Variants in TTLL11 observed in about 807,000 individuals in gnomAD.
The protein encoded by TTLL11 is tubulin polyglutamylase TTLL11.
A neutral mutation model predicts 51.7 loss-of-function variants in TTLL11; 42 were observed. The ratio of observed to expected loss-of-function variants is 0.81; its 90% CI spans 0.64 to 1.05. The LOEUF is 1.05. Ranked by LOEUF, TTLL11 falls within the 50% of genes least tolerant of loss-of-function variation. TTLL11 has a pLI of 0.00. For synonymous variants in TTLL11, 381 were observed against 383.5 expected (o/e 0.99, Z 0.08); for missense variants, 799 against 940.4 (o/e 0.85, Z 1.97).
At chr9:122,016,612 T>A (rs1843991197) in intron 3 of TTLL11, among the ~76,000 whole-genome samples, 1 of 152,064 alleles carries the variant, frequency 6.6e-6, no homozygotes, top group South Asian at 2.1e-4. Flanking sequence ...TCTCTGGGGG[T>A]TTTTGCAAAT....
intron 6 of TTLL11, among the ~76,000 whole-genome samples, chr9:121,894,097 G>A (rs1839360515): frequency 6.6e-6 from 1 of 152,164 alleles, no homozygotes; most frequent in Non-Finnish European, 1.5e-5. Context: ...AGATAAACAT[G>A]TGACATCTCT....
chr9:121,838,793 C>A (rs77540374), intron 8 of TTLL11, among the ~76,000 whole-genome samples: 1 of 142,726 alleles, frequency 7.0e-6, no homozygotes, highest in Non-Finnish European at 1.5e-5. Flanking sequence ...AGCAAGCAAG[C>A]AAGCAAGCAA....
At chr9:122,019,738 G>A (rs1275567941) in intron 3 of TTLL11, among the ~76,000 whole-genome samples, 1 of 152,174 alleles carries the variant, frequency 6.6e-6, no homozygotes, top group Non-Finnish European at 1.5e-5. Flanking sequence ...GGCATGATAC[G>A]GTTTGGCTGT....
chr9:122,069,076 T>C (rs2131888863), intron 1 of TTLL11, among the ~76,000 whole-genome samples: 1 of 152,336 alleles, frequency 6.6e-6, no homozygotes, highest in East Asian at 1.9e-4. Flanking sequence ...CATTTGGGCC[T>C]ACTCGTTACA....
chr9:121,838,965 C>T (rs987333963), intron 8 of TTLL11, among the ~76,000 whole-genome samples: 72 of 152,348 alleles, frequency 4.7e-4, no homozygotes, highest in Middle Eastern at 6.8e-3. Flanking sequence ...CCCCTGCTCC[C>T]GTCACCCTGC....
chr9:122,046,881 C>T (rs1167650535), intron 1 of TTLL11, among the ~76,000 whole-genome samples: 1 of 152,174 alleles, frequency 6.6e-6, no homozygotes, highest in East Asian at 1.9e-4. Context: ...AATCTGAGTT[C>T]CATCATTGAT....
At chr9:121,925,861 C>T (rs968646414) in intron 6 of TTLL11, among the ~76,000 whole-genome samples, 1 of 152,190 alleles carries the variant, frequency 6.6e-6, no homozygotes, top group South Asian at 2.1e-4. Context: ...ATCACCCATT[C>T]AGGGGTGAGA....
intron 7 of TTLL11, among the ~76,000 whole-genome samples, chr9:121,868,819 A>C (rs1838255703): frequency 6.6e-6 from 1 of 152,232 alleles, no homozygotes. Context: ...GCAAATAATA[A>C]CATGTGCCTA....
In TTLL11 at chr9:122,062,462, C is replaced by CTTTTTTTTT. The variant is rs386416145; in HGVS notation, c.463-23103_463-23095dup. Among the ~76,000 whole-genome samples the CTTTTTTTTT allele has an allele frequency of 2.2e-3, 173 of 77,702 alleles. 4 individuals carry two copies. The highest frequency in any genetic ancestry group is 2.7e-3 in the Non-Finnish European group (121 of 44,564). 51.0% of individuals were successfully genotyped at this position (77,702 alleles called of 152,430 possible). A position where few individuals can be genotyped will look rare whatever the true frequency, so the allele number is the denominator to read the frequency against. On this transcript the variant is annotated intron_variant, in intron 1 of 8. Coordinates refer to ENST00000321582, the MANE Select transcript of TTLL11 (RefSeq NM_001139442.2). ...AACTGTGCAAGATCTTTATATTATG[C>CTTTTTTTTT]TTTTTTTTTTTTTTTTTTTTTTTTG...
chr9:121,899,384 T>TATATATATATATATACAC (rs1839676251), intron 6 of TTLL11, among the ~76,000 whole-genome samples: 1 of 117,394 alleles, frequency 8.5e-6, no homozygotes, highest in Non-Finnish European at 1.8e-5. Context: ...TATACATATA[T>TATATATATATATATACAC]ATATATATAT....
intron 7 of TTLL11, among the ~76,000 whole-genome samples, chr9:121,864,066 G>A (rs923049988): frequency 1.3e-5 from 2 of 152,158 alleles, no homozygotes; most frequent in African/African-American, 4.8e-5. Context: ...TTTGCCCTGT[G>A]GTTACCAAAC....
At chr9:121,846,350 C>T (rs1385820143) in intron 8 of TTLL11, among the ~76,000 whole-genome samples, 1 of 152,068 alleles carries the variant, frequency 6.6e-6, no homozygotes, top group African/African-American at 2.4e-5. Flanking sequence ...CTTCAACACC[C>T]CTCTATCAGT....
intron 1 of TTLL11, among the ~76,000 whole-genome samples, chr9:122,071,954 G>A (rs1845740292): frequency 6.6e-6 from 1 of 152,118 alleles, no homozygotes; most frequent in African/African-American, 2.4e-5. Context: ...CAAGGAGGGT[G>A]TCCCCACTTC....
intron 6 of TTLL11, among the ~76,000 whole-genome samples, chr9:121,967,211 T>A (rs955504166): frequency 4.2e-4 from 1 of 2,408 alleles, no homozygotes; most frequent in Admixed American, 3.1e-3. Context: ...CAGCGGGAGA[T>A]TTTTTTTTTT....
chr9:122,076,313 G>C (rs1845857921), intron 1 of TTLL11, among the ~76,000 whole-genome samples: 1 of 152,178 alleles, frequency 6.6e-6, no homozygotes, highest in Non-Finnish European at 1.5e-5. Flanking sequence ...GTTGGCAGTG[G>C]TCTGGCCTCT....
intron 1 of TTLL11, among the ~76,000 whole-genome samples, chr9:122,070,903 T>C (rs1449694049): frequency 6.6e-6 from 1 of 152,086 alleles, no homozygotes; most frequent in Non-Finnish European, 1.5e-5. Context: ...CTGCTTGTCT[T>C]ATGGAGAGGA....
At chr9:122,023,494 A>G (rs1474293211) in intron 3 of TTLL11, among the ~76,000 whole-genome samples, 4 of 152,044 alleles carry the variant, frequency 2.6e-5, no homozygotes, top group Non-Finnish European at 5.9e-5. Context: ...CAAAAAAATA[A>G]AAATAAAAAT....
At chr9:122,076,211 T>A (rs1845853733) in intron 1 of TTLL11, among the ~76,000 whole-genome samples, 1 of 152,238 alleles carries the variant, frequency 6.6e-6, no homozygotes, top group Admixed American at 6.5e-5. Context: ...CTTGCCTCTC[T>A]GCCTCCACTC....
intron 8 of TTLL11, among the ~76,000 whole-genome samples, chr9:121,856,846 G>T (rs1837838836): frequency 6.6e-6 from 1 of 152,222 alleles, no homozygotes; most frequent in South Asian, 2.1e-4. Context: ...ATGGAGGGAA[G>T]AAAAGAAGAC....
Sources: gnomAD v4.1 joint callset for allele counts (sites outside exome capture counted in the v4.1 genomes callset) on GRCh38, gnomAD v4.1.1 for gene constraint, MANE v1.5 for transcripts, NCBI Gene and HGNC (gene_info 2026-07-23, HGNC 2026-07-21) for gene names.